PPAN: variants seen among roughly 807,000 people sequenced by gnomAD.
The protein encoded by PPAN is peter pan homolog.
A neutral mutation model predicts 48.5 loss-of-function variants in PPAN; 39 were observed. That is an observed-to-expected ratio of 0.80 (90% CI 0.62 to 1.05). PPAN has a LOEUF of 1.05. Ranked by LOEUF, PPAN falls within the 50% of genes least tolerant of loss-of-function variation. PPAN has a pLI of 0.00. For synonymous variants in PPAN, 315 were observed against 268.6 expected (o/e 1.17, Z -1.69); for missense variants, 736 against 661.7 (o/e 1.11, Z -1.23).
Position 10,110,819 on chromosome 19 carries a change from A to C in PPAN, c.1154A>C (p.Asp385Ala). Reference protein sequence around the residue: ...LGEDDDEQEDDDIEYFCQAVG... With the variant: ...LGEDDDEQEDADIEYFCQAVG... ...GAGGACGATGATGAACAGGAAGATG[A>C]TGACATCGAGTATTTCTGCCAGGCG... Residue 385 changes from aspartate (D) to alanine (A), a missense_variant, in exon 11 of 12, where the codon GAT (aspartate) becomes GCT (alanine). Coordinates refer to ENST00000253107, the MANE Select transcript of PPAN (RefSeq NM_020230.7). This position sits in a 1 kb window ranked among gnomAD's most constrained non-coding sequence, Gnocchi z 5.9. The C allele has an allele frequency of 6.2e-7, 1 of 1,613,978 alleles. No individual in the cohort carries two copies. The highest frequency in any genetic ancestry group is 8.5e-7 in the Non-Finnish European group (1 of 1,179,992).
chr19:10,111,086 C>T lies in PPAN; in HGVS notation c.1343C>T (p.Ala448Val). The T allele has an allele frequency of 1.2e-6, 2 of 1,613,092 alleles. No homozygotes were observed. Among genetic ancestry groups the T allele is most frequent in the Non-Finnish European group, 1.7e-6 (2 of 1,179,746 alleles). Residue 448 changes from alanine (A) to valine (V), a missense_variant, in exon 12 of 12, where the codon GCC (alanine) becomes GTC (valine). Coordinates refer to ENST00000253107, the MANE Select transcript of PPAN (RefSeq NM_020230.7). ...AAGGACAAGTCCCAGGGAGCCCAGG[C>T]CAGGCGGGGGCCCAGAGGGGCTTCC... Reference protein sequence around the residue: ...KTKDKSQGAQARRGPRGASRD... With the variant: ...KTKDKSQGAQVRRGPRGASRD...
At position 10,111,606 on chromosome 19, in the gene PPAN, C is replaced by CT; in HGVS notation, c.*442dup. 1 of 1,350,194 alleles carries CT rather than the reference C, an allele frequency of 7.4e-7. No homozygotes were observed. The highest frequency in any genetic ancestry group is 1.8e-5 in the Admixed American group (1 of 56,870). The allele number at this position is 1,350,194 out of a possible 1,614,324, so 83.6% of individuals were successfully genotyped here. ...TGGAAAGGCACGCTGGCCTGCTCTG[C>CT]TGGCTGGGCCAGTAACTGGGGATGG... On this transcript the variant is annotated 3_prime_UTR_variant, in exon 12 of 12. Coordinates refer to ENST00000253107, the MANE Select transcript of PPAN (RefSeq NM_020230.7).
chr19:10,111,325 G>C lies in PPAN; in HGVS notation c.*160G>C, dbSNP rs1194691764. The C allele has an allele frequency of 3.2e-6, 3 of 934,554 alleles. No homozygotes were observed. Among genetic ancestry groups the C allele is most frequent in the Admixed American group, 2.9e-5 (1 of 34,272 alleles). The allele number at this position is 934,554 out of a possible 1,614,324, so 57.9% of individuals were successfully genotyped here. ...GTCCACGTCAGCGTTTGGGATGGGGGATTCTGGAGCCATACAAAGCAACCC... is the reference window on the plus strand; with the variant it reads ...GTCCACGTCAGCGTTTGGGATGGGGCATTCTGGAGCCATACAAAGCAACCC... On this transcript the variant is annotated 3_prime_UTR_variant, in exon 12 of 12. Transcript: ENST00000253107.
At chr19:10,106,289 G>A, upstream of PPAN, 1 of 1,521,402 alleles carries the variant, frequency 6.6e-7, no homozygotes, top group Non-Finnish European at 8.8e-7. Flanking sequence ...TAGTGCGCAG[G>A]CCCGCCTGAT....
Position 10,110,090 on chromosome 19 carries a change from C to T in PPAN, c.699-33C>T, listed in dbSNP as rs2088993294. On this transcript the variant is annotated intron_variant, in intron 7 of 11. Coordinates refer to ENST00000253107, the MANE Select transcript of PPAN (RefSeq NM_020230.7). The surrounding 1 kb of genome is among the most constrained non-coding windows in gnomAD (Gnocchi z 5.9). ...CAGAACAGGACCGGGAGCCTGAGCTCCCCCACTGAGCCCTGTTATGTCCTA... is the reference window on the plus strand; with the variant it reads ...CAGAACAGGACCGGGAGCCTGAGCTTCCCCACTGAGCCCTGTTATGTCCTA... 6 of 1,609,448 alleles carry T rather than the reference C, an allele frequency of 3.7e-6. No individual in the cohort carries two copies. The highest frequency in any genetic ancestry group is 1.1e-5 in the South Asian group (1 of 91,042).
At position 10,106,514 on chromosome 19, in the gene PPAN, A is replaced by C. The variant is rs1442173467; in HGVS notation, c.32A>C (p.Lys11Thr). 7.1e-6 allele frequency: 11 copies of C among 1,551,974 alleles called. No individual in the cohort carries two copies. The highest frequency in any genetic ancestry group is 8.7e-6 in the Non-Finnish European group (10 of 1,147,686). MGQSGRSRHQ[K>T]RARAQAQLRN... ...TCGTCGCCGCAGTCCCGGCACCAGA[A>C]GCGCGCCCGCGCCCAGGCGCAGCTC... The change falls in exon 2 of 12, where the codon AAG becomes ACG. Residue 11 changes from lysine (K) to threonine (T), a missense_variant. Physicochemically the swap from Lys to Thr is moderately conservative, Grantham distance 78 (BLOSUM62 -1). Coordinates refer to ENST00000253107, the MANE Select transcript of PPAN (RefSeq NM_020230.7).
Position 10,110,483 on chromosome 19 carries a change from A to G in PPAN, c.902-2A>G. ...CTTGGTGACCCGCGTCTCTTGGCTC[A>G]GTGAGCAAGACGGAGGAGGAGCTGC... is the stretch of plus-strand genomic sequence containing the variant. On this transcript the variant is annotated splice_acceptor_variant, in intron 9 of 11. Transcript: ENST00000253107. LOFTEE classifies it high-confidence loss of function. The surrounding 1 kb of genome is among the most constrained non-coding windows in gnomAD (Gnocchi z 5.9). The G allele has an allele frequency of 6.2e-7, 1 of 1,612,488 alleles. No individual in the cohort carries two copies. Among genetic ancestry groups the G allele is most frequent in the Non-Finnish European group, 8.5e-7 (1 of 1,179,704 alleles).
Position 10,110,363 on chromosome 19 carries a change from G to A in PPAN, c.862G>A (p.Glu288Lys), listed in dbSNP as rs2089005810. 6.2e-7 allele frequency: 1 copy of A among 1,613,826 alleles called. No homozygotes were observed. The highest frequency in any genetic ancestry group is 8.5e-7 in the Non-Finnish European group (1 of 1,179,970). Residue 288 changes from glutamate to lysine, a missense_variant, in exon 9 of 12, where the codon GAG (glutamate) becomes AAG (lysine). Physicochemically the swap from Glu to Lys is moderately conservative, Grantham distance 56 (BLOSUM62 1). Coordinates refer to ENST00000253107, the MANE Select transcript of PPAN (RefSeq NM_020230.7). This position sits in a 1 kb window ranked among gnomAD's most constrained non-coding sequence, Gnocchi z 5.9. ...GACACTGCAGCTCATCAAGGTCCAG[G>A]AGGGCGTCGGGGAGGGCAAAGTGAT... ...RMTLQLIKVQEGVGEGKVMFH... is the reference protein window; with the variant it reads ...RMTLQLIKVQKGVGEGKVMFH...
Position 10,111,499 on chromosome 19 carries a change from C to G in PPAN, c.*334C>G. 1 of 636,056 alleles carries G rather than the reference C, an allele frequency of 1.6e-6. No individual in the cohort carries two copies. Among genetic ancestry groups the G allele is most frequent in the Non-Finnish European group, 2.7e-6 (1 of 364,396 alleles). 39.4% of individuals were successfully genotyped at this position (636,056 alleles called of 1,614,324 possible). On this transcript the variant is annotated 3_prime_UTR_variant, in exon 12 of 12. Coordinates refer to ENST00000253107, the MANE Select transcript of PPAN (RefSeq NM_020230.7). The stretch of plus-strand genomic sequence containing the variant: ...CCTCCCCCCAGTCCCACCAAAGAGC[C>G]GTGCAAGCAGACAGGTCACACTTTC...
At chr19:10,106,242 T>C, upstream of PPAN, 1 of 1,357,994 alleles carries the variant, frequency 7.4e-7, no homozygotes. Context: ...TAGCAACCGC[T>C]CCATCTGATT....
intron 2 of PPAN, 163 bp downstream of exon 2, chr19:10,106,834 G>T (rs2088848090): frequency 8.3e-7 from 1 of 1,199,644 alleles, no homozygotes; most frequent in East Asian, 2.7e-5. Context: ...GCTTTTGCTG[G>T]GCTGGAGTGA....
intron 5 of PPAN, among the ~76,000 whole-genome samples, chr19:10,109,224 G>T (rs948268986): frequency 1.3e-5 from 2 of 152,180 alleles, no homozygotes; most frequent in African/African-American, 4.8e-5. Context: ...CTCCCAAAGT[G>T]CTGGGATTAC....
Position 10,110,335 on chromosome 19 carries a change from G to T in PPAN, c.834G>T (p.Arg278=). The T allele has an allele frequency of 6.2e-7, 1 of 1,613,804 alleles. No homozygotes were observed. ...SAVRLTEIGP[R]MTLQLIKVQE... Reference sequence around the variant, plus strand: ...CCTCGTCCCCTCAGATCGGCCCGCGGATGACACTGCAGCTCATCAAGGTCC... The same window carrying T: ...CCTCGTCCCCTCAGATCGGCCCGCGTATGACACTGCAGCTCATCAAGGTCC... Residue 278 remains arginine (R), a synonymous_variant, in exon 9 of 12, where the codon CGG becomes CGT. Coordinates refer to ENST00000253107, the MANE Select transcript of PPAN (RefSeq NM_020230.7). The surrounding 1 kb of genome is among the most constrained non-coding windows in gnomAD (Gnocchi z 5.9).
intron 2 of PPAN, 99 bp from the exon 3 acceptor site, chr19:10,107,406 A>G (rs1289265665): frequency 1.6e-6 from 2 of 1,274,846 alleles, no homozygotes; most frequent in Admixed American, 2.2e-5. Context: ...TGAAAGGGTC[A>G]GATGCAAGAC....
Position 10,111,711 on chromosome 19 carries a change from G to A in PPAN, c.*546G>A, listed in dbSNP as rs373524333. ...GGGTAGCAGACACAGGCTGAGGATCGGCACGGGAGCATGGCAGCCAACGTC... is the reference window on the plus strand; with the variant it reads ...GGGTAGCAGACACAGGCTGAGGATCAGCACGGGAGCATGGCAGCCAACGTC... On this transcript the variant is annotated 3_prime_UTR_variant, in exon 12 of 12. Coordinates refer to ENST00000253107, the MANE Select transcript of PPAN (RefSeq NM_020230.7). The A allele has an allele frequency of 1.3e-4, 207 of 1,613,636 alleles. No homozygotes were observed. Among genetic ancestry groups the A allele is most frequent in the Non-Finnish European group, 1.6e-4 (191 of 1,179,866 alleles).
chr19:10,107,307 ATG>A (rs1355149481), intron 2 of PPAN, among the ~76,000 whole-genome samples, 196 bp from the exon 3 acceptor site: 2 of 152,218 alleles, frequency 1.3e-5, no homozygotes, highest in African/African-American at 4.8e-5. Flanking sequence ...CAATGGGAAG[ATG>A]CGCTGTGAGC....
intron 2 of PPAN, chr19:10,106,927 C>G: frequency 6.0e-6 from 4 of 665,626 alleles, no homozygotes; most frequent in Non-Finnish European, 1.0e-5. Context: ...TGGCTCATGC[C>G]TGTATTCCCA....
rs145377510 is a variant in PPAN, at chr19:10,108,124, A to G, written c.503A>G (p.Asn168Ser). 9.7e-5 allele frequency: 156 copies of G among 1,610,524 alleles called. 1 individual carries two copies. The East Asian group carries it at 2.7e-3, about 28-fold the overall frequency. The change falls in exon 5 of 12, where the codon AAC becomes AGC. Residue 168 changes from asparagine to serine, a missense_variant. Physicochemically the swap from Asn to Ser is conservative, Grantham distance 46 (BLOSUM62 1). Coordinates refer to ENST00000253107, the MANE Select transcript of PPAN (RefSeq NM_020230.7). ...TTCCAGAACCTGTTCCCCTCCATCA[A>G]CGTGCACAAGGTGGGTCTGGCCTGG... ...TMFQNLFPSI[N>S]VHKVNLNTIK...
chr19:10,111,820 C>G lies in PPAN; in HGVS notation c.*655C>G. 2 of 1,543,128 alleles carry G rather than the reference C, an allele frequency of 1.3e-6. No homozygotes were observed. The highest frequency in any genetic ancestry group is 1.8e-6 in the Non-Finnish European group (2 of 1,121,740). On this transcript the variant is annotated 3_prime_UTR_variant, in exon 12 of 12. Coordinates refer to ENST00000253107, the MANE Select transcript of PPAN (RefSeq NM_020230.7). ...GGGGTAGTGGGTATTGGTAAAACAC[C>G]TAGGTCTGGGGCTGGGCACGGTGGC...
Sources: allele counts gnomAD v4.1 joint callset (sites outside exome capture counted in the v4.1 genomes callset), GRCh38; gene constraint gnomAD v4.1.1; non-coding constraint Gnocchi (gnomAD v3.1); transcripts MANE v1.5; gene names NCBI Gene and HGNC (gene_info 2026-07-23, HGNC 2026-07-21).